SLC44A5: variants seen among roughly 807,000 people sequenced by gnomAD.
The protein encoded by SLC44A5 is choline transporter-like protein 5.
SLC44A5 carries 57 observed loss-of-function variants against 101.8 expected under a neutral mutation model. The observed-to-expected ratio is 0.56, with a 90% CI of 0.45 to 0.70. SLC44A5 has a LOEUF of 0.70. Among genes scored for constraint, SLC44A5 ranks in the 30% least tolerant of loss-of-function variants. The probability of loss-of-function intolerance (pLI) is 0.00; values close to 1 mark genes in which losing one functional copy is unlikely to be tolerated. For synonymous variants in SLC44A5, 281 were observed against 290.9 expected, an observed-to-expected ratio of 0.97 and a Z score of 0.35; for missense variants, 737 against 853.1, an observed-to-expected ratio of 0.86 and a Z score of 1.70.
chr1:75,435,421 G>A (rs372726172), intron 2 of SLC44A5, among the ~76,000 whole-genome samples: 2 of 152,028 alleles, frequency 1.3e-5, no homozygotes, highest in Admixed American at 6.6e-5. Context: ...TTGGCCCTTG[G>A]GGGGAAAAAG....
rs1235242148 is a variant in SLC44A5, at chr1:75,222,385, A to G, written c.1061T>C (p.Ile354Thr). 6.2e-7 allele frequency: 1 copy of G among 1,613,764 alleles called. No individual in the cohort carries two copies. Residue 354 changes from isoleucine (I) to threonine (T), a missense_variant, in exon 14 of 24, where the codon ATT (isoleucine) becomes ACT (threonine). Physicochemically the swap from Ile to Thr is moderately conservative, Grantham distance 89 (BLOSUM62 -1). This residue lies in a region of SLC44A5 where 665 missense variants were observed against 764.4 expected (regional missense o/e 0.87). Transcript: ENST00000370859. Reference protein sequence around the residue: ...IFLRNRIRVAIILLKEGSKAI... With the variant: ...IFLRNRIRVATILLKEGSKAI... ...CTTGCTTCCTTCCTTCAGCAGGATA[A>G]TGGCGACTCGGATTCGATTCCTGAG...
At chr1:75,463,957 T>C (rs1379951659) in intron 2 of SLC44A5, among the ~76,000 whole-genome samples, 1 of 151,996 alleles carries the variant, frequency 6.6e-6, no homozygotes, top group Non-Finnish European at 1.5e-5. Flanking sequence ...GCGCAGTGGC[T>C]CATGCCTGTA....
chr1:75,271,060 T>C (rs1436952028), intron 6 of SLC44A5, among the ~76,000 whole-genome samples: 1 of 152,092 alleles, frequency 6.6e-6, no homozygotes, highest in Non-Finnish European at 1.5e-5. Context: ...TCTAGAATTT[T>C]CTGAGTTACT....
chr1:75,599,701 T>A (rs1438512270), intron 1 of SLC44A5, among the ~76,000 whole-genome samples: 1 of 152,154 alleles, frequency 6.6e-6, no homozygotes, highest in Admixed American at 6.6e-5. Flanking sequence ...GAATTATACA[T>A]GTGCACACAC....
chr1:75,422,635 A>G (rs1664077426), intron 2 of SLC44A5, among the ~76,000 whole-genome samples: 1 of 152,226 alleles, frequency 6.6e-6, no homozygotes, highest in African/African-American at 2.4e-5. Flanking sequence ...AATGTCAAAA[A>G]TAGGGATTTG....
chr1:75,619,188 G>A, the SLC44A5 span, among the ~76,000 whole-genome samples: 1 of 150,118 alleles, frequency 6.7e-6, no homozygotes, highest in Non-Finnish European at 1.5e-5. Context: ...ATGGAAGGAA[G>A]GAAGGAAGGG....
chr1:75,385,140 T>G (rs1661213695), intron 3 of SLC44A5, among the ~76,000 whole-genome samples: 4 of 150,392 alleles, frequency 2.7e-5, no homozygotes, highest in South Asian at 2.1e-4. Flanking sequence ...ACATCACAAT[T>G]AAAAGAACTA....
intron 2 of SLC44A5, among the ~76,000 whole-genome samples, chr1:75,426,852 G>C (rs1664340009): frequency 6.6e-6 from 1 of 152,226 alleles, no homozygotes; most frequent in South Asian, 2.1e-4. Flanking sequence ...AGCAGCAGCG[G>C]TATGGAGCTT....
the SLC44A5 span, among the ~76,000 whole-genome samples, chr1:75,684,455 C>A: frequency 5.3e-5 from 8 of 152,080 alleles, no homozygotes; most frequent in Admixed American, 5.2e-4. Context: ...TACCTAGGAG[C>A]CCATGAAATC....
At chr1:75,582,065 C>T (rs576552330) in intron 1 of SLC44A5, 71 of 691,224 alleles carry the variant, frequency 1.0e-4, no homozygotes, top group East Asian at 4.7e-4. Context: ...CACTTCCAGG[C>T]GCTTCAGGAG....
At chr1:75,459,016 A>T (rs1272888447) in intron 2 of SLC44A5, among the ~76,000 whole-genome samples, 1 of 152,202 alleles carries the variant, frequency 6.6e-6, no homozygotes, top group Non-Finnish European at 1.5e-5. Context: ...CAGAATAACT[A>T]AAGCCAGAAG....
chr1:75,376,124 C>G (rs1660576778), intron 3 of SLC44A5, among the ~76,000 whole-genome samples: 1 of 152,270 alleles, frequency 6.6e-6, no homozygotes, highest in African/African-American at 2.4e-5. Flanking sequence ...CTGCGCTTTT[C>G]CGACCGGCTT....
intron 6 of SLC44A5, among the ~76,000 whole-genome samples, chr1:75,265,436 G>A (rs1311981609): frequency 6.6e-6 from 1 of 152,058 alleles, no homozygotes; most frequent in Non-Finnish European, 1.5e-5. Flanking sequence ...CTGGTTAATG[G>A]GTTAATGGTT....
intron 5 of SLC44A5, among the ~76,000 whole-genome samples, chr1:75,294,477 G>C (rs1653806597): frequency 6.6e-6 from 1 of 152,142 alleles, no homozygotes; most frequent in Non-Finnish European, 1.5e-5. Context: ...TCCCACATCT[G>C]GGTATTTACC....
intron 3 of SLC44A5, among the ~76,000 whole-genome samples, chr1:75,388,253 TAA>T (rs1205295697): frequency 2.5e-5 from 3 of 122,258 alleles, no homozygotes; most frequent in South Asian, 2.6e-4. Flanking sequence ...AAAACAGTAT[TAA>T]AAAAAAAAAA....
chr1:75,282,799 C>G (rs1652712646), intron 5 of SLC44A5, among the ~76,000 whole-genome samples: 1 of 152,132 alleles, frequency 6.6e-6, no homozygotes, highest in African/African-American at 2.4e-5. Flanking sequence ...CTTCCCCTTC[C>G]ACCATGATTG....
At chr1:75,681,542 TG>T in the SLC44A5 span, among the ~76,000 whole-genome samples, 3 of 151,510 alleles carry the variant, frequency 2.0e-5, no homozygotes. Context: ...AAAAGGCCTT[TG>T]ACAAAATTCA....
intron 14 of SLC44A5, among the ~76,000 whole-genome samples, 195 bp from the exon 15 acceptor site, chr1:75,220,087 CAT>C (rs553076336): frequency 1.1e-4 from 16 of 152,200 alleles, no homozygotes; most frequent in Middle Eastern, 6.8e-3. Flanking sequence ...TTCCGATGCA[CAT>C]GTTAGACTCC....
At chr1:75,219,957 A>G (rs1206252976) in intron 14 of SLC44A5, 65 bp from the exon 15 acceptor site, 2 of 1,095,990 alleles carry the variant, frequency 1.8e-6, no homozygotes, top group Non-Finnish European at 2.6e-6. Context: ...GACTGAATTG[A>G]TTCTAAGAAA....
Sources: allele counts gnomAD v4.1 joint callset (sites outside exome capture counted in the v4.1 genomes callset), GRCh38; gene constraint gnomAD v4.1.1; regional missense constraint gnomAD v4.1.1; transcripts MANE v1.5; gene names NCBI Gene and HGNC (gene_info 2026-07-23, HGNC 2026-07-21).